The following STAC3 variants were observed in gnomAD, a reference collection of about 807,000 sequenced individuals.
STAC3 encodes SH3 and cysteine-rich domain-containing protein 3.
Under a neutral mutation model 48.5 loss-of-function variants are expected in STAC3, and 30 were observed. The observed-to-expected ratio is 0.62, with a 90% confidence interval of 0.46 to 0.84. The LOEUF is 0.84. Among genes scored for constraint, STAC3 ranks in the 40% least tolerant of loss-of-function variants. The probability of loss-of-function intolerance (pLI) is 0.00; values close to 1 mark genes in which losing one functional copy is unlikely to be tolerated. For missense variants in STAC3, 419 were observed against 462.6 expected (o/e 0.91, Z 0.86); for synonymous variants, 144 against 158.6 (o/e 0.91, Z 0.69).
chr12:57,249,687 C>T (rs766908381), intron 1 of STAC3, 50 bp from the exon 2 acceptor site: 8 of 1,602,968 alleles, frequency 5.0e-6, no homozygotes, highest in Non-Finnish European at 6.8e-6. Flanking sequence ...TCATTCTTCT[C>T]TCCCTTTCTG....
At chr12:57,248,281 C>G in intron 4 of STAC3, 83 bp from the exon 5 acceptor site, 1 of 1,149,778 alleles carries the variant, frequency 8.7e-7, no homozygotes, top group Non-Finnish European at 1.3e-6. Flanking sequence ...CTCACCCTTT[C>G]TCAGAAAAAG....
chr12:57,244,378 AGGGAG>A lies in STAC3; in HGVS notation c.807-17_807-13del. The stretch of plus-strand genomic sequence containing the variant: ...TCTTCTCTCCTGGCCTGGGAGGGGA[AGGGAG>A]GGGCCTCACTCACATAGCAGGTCCC... On this transcript the variant is annotated splice_polypyrimidine_tract_variant and intron_variant, in intron 9 of 11. Coordinates refer to ENST00000332782, the MANE Select transcript of STAC3 (RefSeq NM_145064.3). 6.2e-7 allele frequency: 1 copy of A among 1,614,062 alleles called. No homozygotes were observed. The highest frequency in any genetic ancestry group is 8.5e-7 in the Non-Finnish European group (1 of 1,180,010).
chr12:57,245,458 G>A (rs980568638), intron 6 of STAC3, among the ~76,000 whole-genome samples: 1 of 149,868 alleles, frequency 6.7e-6, no homozygotes, highest in Non-Finnish European at 1.5e-5. Flanking sequence ...TGCCAGCTCC[G>A]CCTCCAGGTT....
At position 57,248,694 on chromosome 12, in the gene STAC3, C is replaced by T. The variant is rs1192462987; in HGVS notation, c.432+12G>A. ...GGCCATGTCCCCTCCTTGCTCTCCA[C>T]AGCCTACTCACGATCTTGCCGAAGC... On this transcript the variant is annotated intron_variant, in intron 4 of 11. Transcript: ENST00000332782. 2 of 1,607,576 alleles carry T rather than the reference C, an allele frequency of 1.2e-6. No homozygotes were observed. The highest frequency in any genetic ancestry group is 2.2e-5 in the East Asian group (1 of 44,502).
At position 57,243,838 on chromosome 12, in the gene STAC3, G is replaced by A. The variant is rs373467494; in HGVS notation, c.1069C>T (p.Pro357Ser). 6.2e-7 allele frequency: 1 copy of A among 1,614,056 alleles called. No homozygotes were observed. Among genetic ancestry groups the A allele is most frequent in the Non-Finnish European group, 8.5e-7 (1 of 1,179,994 alleles). The change falls in exon 12 of 12, where the codon CCC becomes TCC. Residue 357 changes from proline (P) to serine (S), a missense_variant. Pro to Ser is a moderately conservative substitution (Grantham distance 74). Transcript: ENST00000332782. ...TAAATTTCCTCTAGAAAGTCGGTGG[G>A]AAACAGCCCCACCTTGCGGCCGGTG... ...VYTGRKVGLF[P>S]TDFLEEI
Position 57,248,705 on chromosome 12 carries a change from C to T in STAC3, c.432+1G>A, listed in dbSNP as rs780801708. The T allele has an allele frequency of 3.7e-6, 6 of 1,612,954 alleles. No homozygotes were observed. Among genetic ancestry groups the T allele is most frequent in the Admixed American group, 1.7e-5 (1 of 59,994 alleles). Reference sequence around the variant, plus strand: ...CTCCTTGCTCTCCACAGCCTACTCACGATCTTGCCGAAGCATCTCTGCATT... The same window carrying T: ...CTCCTTGCTCTCCACAGCCTACTCATGATCTTGCCGAAGCATCTCTGCATT... On this transcript the variant is annotated splice_donor_variant, in intron 4 of 11. Transcript: ENST00000332782. LOFTEE classifies it high-confidence loss of function.
Position 57,245,310 on chromosome 12 carries a change from A to G in STAC3, c.604-99T>C, listed in dbSNP as rs1452736244. ...GAACTATAGAATAATGGGATCTCAG[A>G]GATCTCAGAGTTGGAAGAGGCCTTG... On this transcript the variant is annotated intron_variant, in intron 6 of 11. Coordinates refer to ENST00000332782, the MANE Select transcript of STAC3 (RefSeq NM_145064.3). 1.6e-5 allele frequency: 17 copies of G among 1,087,882 alleles called. 1 individual carries two copies. The highest frequency in any genetic ancestry group is 2.3e-5 in the Non-Finnish European group (17 of 736,634). 67.4% of individuals were successfully genotyped at this position (1,087,882 alleles called of 1,614,324 possible).
In STAC3 at chr12:57,243,461, G is replaced by A; in HGVS notation, c.*351C>T. 1 of 496,596 alleles carries A rather than the reference G, an allele frequency of 2.0e-6. No individual in the cohort carries two copies. Among genetic ancestry groups the A allele is most frequent in the Non-Finnish European group, 3.7e-6 (1 of 267,692 alleles). The allele number at this position is 496,596 out of a possible 1,614,324, so 30.8% of individuals were successfully genotyped here. ...CCCAGTTAAATAACAACTTTTCTAAGTTTTGTCAAAAGTTTAATAAATTCG... is the reference window on the plus strand; with the variant it reads ...CCCAGTTAAATAACAACTTTTCTAAATTTTGTCAAAAGTTTAATAAATTCG... On this transcript the variant is annotated 3_prime_UTR_variant, in exon 12 of 12. Transcript: ENST00000332782.
chr12:57,247,422 A>ATTTTTTTTTTTTT (rs1380789337), intron 5 of STAC3, among the ~76,000 whole-genome samples: 13 of 68,394 alleles, frequency 1.9e-4, no homozygotes, highest in African/African-American at 5.5e-4. Context: ...TATTATTATT[A>ATTTTTTTTTTTTT]TTATTATTTT....
chr12:57,249,792 G>A, intron 1 of STAC3, 155 bp from the exon 2 acceptor site: 2 of 759,022 alleles, frequency 2.6e-6, no homozygotes, highest in East Asian at 5.8e-5. Context: ...GTCTCACTCT[G>A]TCACCCAGGC....
Position 57,245,174 on chromosome 12 carries a change from G to C in STAC3, c.641C>G (p.Ala214Gly), listed in dbSNP as rs1282656772. 23 of 1,613,946 alleles carry C rather than the reference G, an allele frequency of 1.4e-5. No individual in the cohort carries two copies. The highest frequency in any genetic ancestry group is 1.9e-5 in the Non-Finnish European group (22 of 1,180,020). ...CTGGGGTTTGCCTTCCTCTGGTCTG[G>C]CCGACTCTGGCTCCTCCTCCATCAT... ...AAMMEEEPES[A>G]RPEEGKPQDG... is the part of the protein sequence containing the mutation. Residue 214 changes from alanine (A) to glycine (G), a missense_variant, in exon 7 of 12, where the codon GCC (alanine) becomes GGC (glycine). Physicochemically the swap from Ala to Gly is moderately conservative, Grantham distance 60. Coordinates refer to ENST00000332782, the MANE Select transcript of STAC3 (RefSeq NM_145064.3).
intron 4 of STAC3, chr12:57,248,447 C>T (rs906718615): frequency 1.8e-5 from 10 of 560,952 alleles, no homozygotes; most frequent in South Asian, 6.0e-5. Context: ...GGCACAATCT[C>T]GGCTCACTGC....
Position 57,243,920 on chromosome 12 carries a change from T to TAAAGG in STAC3, c.997-15_997-11dup, listed in dbSNP as rs1458357711. The TAAAGG allele has an allele frequency of 6.2e-7, 1 of 1,613,436 alleles. No homozygotes were observed. The highest frequency in any genetic ancestry group is 2.2e-5 in the East Asian group (1 of 44,882). On this transcript the variant is annotated splice_polypyrimidine_tract_variant and intron_variant, in intron 11 of 11. Coordinates refer to ENST00000332782, the MANE Select transcript of STAC3 (RefSeq NM_145064.3). Reference sequence around the variant, plus strand: ...CTTTCTGCACCACGATCTAGAAGATTAAAGGATCAGAAGTAGGAGAGGAAT... The same window carrying TAAAGG: ...CTTTCTGCACCACGATCTAGAAGATTAAAGGAAAGGATCAGAAGTAGGAGAGGAAT...
In STAC3 at chr12:57,244,121, G is replaced by A. The variant is rs988981364; in HGVS notation, c.963C>T (p.Arg321=). The change falls in exon 11 of 12, where the codon CGC becomes CGT. Residue 321 remains arginine (R), a synonymous_variant. Transcript: ENST00000332782. ...TCTTGAGAGTGATCTGCCCTATCTC[G>A]CGGTTCCCCACGAAGGATCTCGTCA... is the stretch of plus-strand genomic sequence containing the variant. The part of the protein sequence containing the change: ...HRVTRSFVGN[R]EIGQITLKKD... 11 of 1,613,994 alleles carry A rather than the reference G, an allele frequency of 6.8e-6. No individual in the cohort carries two copies. Among genetic ancestry groups the A allele is most frequent in the Non-Finnish European group, 9.3e-6 (11 of 1,180,032 alleles).
rs753774339 is a variant in STAC3 at position 57,243,514 on chromosome 12, C to T, written c.*298G>A. 1 of 508,858 alleles carries T rather than the reference C, an allele frequency of 2.0e-6. No homozygotes were observed. The highest frequency in any genetic ancestry group is 1.7e-5 in the South Asian group (1 of 58,776). The allele number at this position is 508,858 out of a possible 1,614,324, so 31.5% of individuals were successfully genotyped here. A position where few individuals can be genotyped will look rare whatever the true frequency, so the allele number is the denominator to read the frequency against. ...ACATTCGACAGTTCGCCCTCCCTCG[C>T]CCCCGCCCCCCGCCCCAGTCCCTGG... On this transcript the variant is annotated 3_prime_UTR_variant, in exon 12 of 12. Transcript: ENST00000332782.
intron 1 of STAC3, among the ~76,000 whole-genome samples, chr12:57,250,596 A>G (rs577623478): frequency 6.6e-6 from 1 of 152,142 alleles, no homozygotes; most frequent in African/African-American, 2.4e-5. Flanking sequence ...GATGTGATGC[A>G]TACCTTCCCA....
Position 57,248,144 on chromosome 12 carries a change from C to G in STAC3, c.487G>C (p.Ala163Pro). The G allele has an allele frequency of 1.9e-6, 3 of 1,614,018 alleles. No homozygotes were observed. Among genetic ancestry groups the G allele is most frequent in the Non-Finnish European group, 2.5e-6 (3 of 1,179,916 alleles). The change falls in exon 5 of 12, where the codon GCT becomes CCT. Residue 163 changes from alanine (A) to proline (P), a missense_variant. By Grantham distance (27) the Ala-to-Pro change is conservative. Coordinates refer to ENST00000332782, the MANE Select transcript of STAC3 (RefSeq NM_145064.3). ...CACTTACAGAGATCTTTGACACAAG[C>G]GTACTGCTGGTTGCTGTAGAGTGGG... is the stretch of plus-strand genomic sequence containing the variant. ...SSPLYSNQQY[A>P]CVKDLSAANR...
At chr12:57,245,043 TC>T (rs2037701441) in intron 7 of STAC3, 78 bp from the exon 8 acceptor site, 2 of 1,601,056 alleles carry the variant, frequency 1.2e-6, no homozygotes, top group Middle Eastern at 1.7e-4. Flanking sequence ...TGGAAGGGCC[TC>T]GTCTATCCAA....
Position 57,249,593 on chromosome 12 carries a change from G to T in STAC3, c.44C>A (p.Pro15Gln). The T allele has an allele frequency of 1.2e-6, 2 of 1,614,034 alleles. No homozygotes were observed. The highest frequency in any genetic ancestry group is 1.7e-6 in the Non-Finnish European group (2 of 1,180,010). The change falls in exon 2 of 12, where the codon CCA becomes CAA. Residue 15 changes from proline (P) to glutamine (Q), a missense_variant. Physicochemically the swap from Pro to Gln is moderately conservative, Grantham distance 76. Coordinates refer to ENST00000332782, the MANE Select transcript of STAC3 (RefSeq NM_145064.3). ...EVLESPKPSF[P>Q]AETRQSGLQR... Reference sequence around the variant, plus strand: ...CACCCCACTTTGCCGAGTCTCTGCTGGGAAGGAGGGCTTAGGGGACTCCAG... The same window carrying T: ...CACCCCACTTTGCCGAGTCTCTGCTTGGAAGGAGGGCTTAGGGGACTCCAG...
Sources: allele counts gnomAD v4.1 joint callset (sites outside exome capture counted in the v4.1 genomes callset), GRCh38; gene constraint gnomAD v4.1.1; transcripts MANE v1.5; gene names NCBI Gene and HGNC (gene_info 2026-07-23, HGNC 2026-07-21).